Variants in SYT16 observed in about 807,000 individuals in gnomAD.
The protein encoded by SYT16 is synaptotagmin-16.
SYT16 carries 42 observed loss-of-function variants against 61.4 expected under a neutral mutation model. The ratio of observed to expected loss-of-function variants is 0.68; its 90% CI spans 0.53 to 0.89. The LOEUF is 0.89. Among genes scored for constraint, SYT16 ranks in the 40% least tolerant of loss-of-function variants. The pLI is 0.00. For synonymous variants in SYT16, 314 were observed against 302.3 expected, an observed-to-expected ratio of 1.04 and a Z score of -0.40; for missense variants, 804 against 807.3, an observed-to-expected ratio of 1.00 and a Z score of 0.05.
rs745673892 is a variant in SYT16 at position 62,078,171 on chromosome 14, A to AT, written c.994-2663_994-2662insT. 8.4e-3 allele frequency among the ~76,000 whole-genome samples: 1,177 copies of AT among 140,160 alleles called. 5 individuals are homozygous for AT. The highest frequency in any genetic ancestry group is 0.011 in the Non-Finnish European group (727 of 64,794). The allele number at this position is 140,160 out of a possible 152,430, so 92.0% of individuals were successfully genotyped here. On this transcript the variant is annotated intron_variant, in intron 5 of 7. Coordinates refer to ENST00000683842, the MANE Select transcript of SYT16 (RefSeq NM_001367656.1). ...TCTCTCTCTCTATATATATATATAT[A>AT]AACACACACACACACACACACACAC...
At chr14:61,958,257 C>G (rs775966789) in intron 1 of SYT16, among the ~76,000 whole-genome samples, 1 of 151,254 alleles carries the variant, frequency 6.6e-6, no homozygotes, top group Non-Finnish European at 1.5e-5. Flanking sequence ...ATTGTTCTTC[C>G]ATTCTCTAGT....
chr14:61,924,660 T>C (rs1354387975), intron 1 of SYT16, among the ~76,000 whole-genome samples: 1 of 152,246 alleles, frequency 6.6e-6, no homozygotes, highest in African/African-American at 2.4e-5. Context: ...CATGTTTTTC[T>C]TTCCCTGTAT....
intron 2 of SYT16, among the ~76,000 whole-genome samples, chr14:61,994,959 G>A (rs2052703546): frequency 1.3e-5 from 2 of 152,114 alleles, no homozygotes; most frequent in Admixed American, 6.6e-5. Context: ...AAGATATTGG[G>A]TAATTAAGTT....
At chr14:62,073,396 G>A (rs1342008544) in intron 4 of SYT16, among the ~76,000 whole-genome samples, 1 of 152,188 alleles carries the variant, frequency 6.6e-6, no homozygotes, top group Non-Finnish European at 1.5e-5. Context: ...AGGAATGGGT[G>A]TGCTAATTAG....
At chr14:62,084,558 G>C (rs930442609) in intron 7 of SYT16, among the ~76,000 whole-genome samples, 173 bp downstream of exon 7, 6 of 152,166 alleles carry the variant, frequency 3.9e-5, no homozygotes, top group Non-Finnish European at 1.5e-5. Context: ...TATTTAATTA[G>C]ACTTCTTTGC....
Position 61,996,153 on chromosome 14 carries a change from A to G in SYT16, c.134A>G (p.Gln45Arg). 6.2e-7 allele frequency: 1 copy of G among 1,613,452 alleles called. No homozygotes were observed. Among genetic ancestry groups the G allele is most frequent in the East Asian group, 2.2e-5 (1 of 44,848 alleles). ...LSASLVNISKQDSKLSDKLDQ... is the reference protein window; with the variant it reads ...LSASLVNISKRDSKLSDKLDQ... ...GCTTCGCTGGTTAACATAAGCAAAC[A>G]AGACTCTAAATTGAGTGACAAACTA... The change falls in exon 3 of 8, where the codon CAA (glutamine) becomes CGA (arginine). Residue 45 changes from glutamine (Q) to arginine (R), a missense_variant. Coordinates refer to ENST00000683842, the MANE Select transcript of SYT16 (RefSeq NM_001367656.1).
At chr14:62,001,161 T>C (rs1393698608) in intron 3 of SYT16, among the ~76,000 whole-genome samples, 1 of 152,164 alleles carries the variant, frequency 6.6e-6, no homozygotes, top group Non-Finnish European at 1.5e-5. Context: ...ATACCACTTA[T>C]GAATTATCTC....
intron 3 of SYT16, among the ~76,000 whole-genome samples, chr14:62,047,040 T>G (rs953111898): frequency 2.0e-5 from 3 of 152,240 alleles, no homozygotes; most frequent in African/African-American, 7.2e-5. Context: ...TAAATTACCT[T>G]GGGCAGTATG....
chr14:62,078,102 G>A (rs757429229), intron 5 of SYT16, among the ~76,000 whole-genome samples: 2 of 134,756 alleles, frequency 1.5e-5, no homozygotes, highest in Non-Finnish European at 3.1e-5. Context: ...CATCTTGTGC[G>A]CTTGCTCTCT....
intron 3 of SYT16, among the ~76,000 whole-genome samples, chr14:62,015,169 G>T (rs897217654): frequency 6.6e-6 from 1 of 151,918 alleles, no homozygotes; most frequent in Admixed American, 6.6e-5. Context: ...ATTTTATATT[G>T]TATCTAAATT....
At chr14:62,017,071 A>C (rs1265856013) in intron 3 of SYT16, among the ~76,000 whole-genome samples, 1 of 152,204 alleles carries the variant, frequency 6.6e-6, no homozygotes, top group African/African-American at 2.4e-5. Context: ...ATGCCCAAAG[A>C]ATCTTAGTGG....
At chr14:61,833,177 T>C (rs1477488797) in intron 1 of SYT16, among the ~76,000 whole-genome samples, 1 of 152,216 alleles carries the variant, frequency 6.6e-6, no homozygotes, top group African/African-American at 2.4e-5. Context: ...TCACTTTTTA[T>C]AGTAACAATT....
At chr14:61,845,327 G>A (rs113429928) in intron 1 of SYT16, among the ~76,000 whole-genome samples, 7,616 of 152,208 alleles carry the variant, frequency 0.05, 339 homozygotes, top group African/African-American at 0.12. Context: ...GATTACAGGC[G>A]TGAGCCACTG....
chr14:62,100,913 G>A lies in SYT16; in HGVS notation c.*206G>A. ...TTTAAAAACACACATACACAGTGAA[G>A]TGTCCGTATGGAAAATATTATACCA... is the stretch of plus-strand genomic sequence containing the variant. On this transcript the variant is annotated 3_prime_UTR_variant, in exon 8 of 8. Coordinates refer to ENST00000683842, the MANE Select transcript of SYT16 (RefSeq NM_001367656.1). 1 of 549,760 alleles carries A rather than the reference G, an allele frequency of 1.8e-6. No homozygotes were observed. The highest frequency in any genetic ancestry group is 3.2e-6 in the Non-Finnish European group (1 of 312,448). 34.1% of individuals were successfully genotyped at this position (549,760 alleles called of 1,614,324 possible). A position where few individuals can be genotyped will look rare whatever the true frequency, so the allele number is the denominator to read the frequency against.
At chr14:62,009,929 TA>T (rs555850351) in intron 3 of SYT16, among the ~76,000 whole-genome samples, 43 of 152,318 alleles carry the variant, frequency 2.8e-4, no homozygotes, top group Admixed American at 1.9e-3. Context: ...TCCTCAGTCC[TA>T]GGGGTGCTAG....
intron 1 of SYT16, among the ~76,000 whole-genome samples, chr14:61,858,156 G>GA (rs144842528): frequency 8.9e-5 from 10 of 111,868 alleles, no homozygotes; most frequent in South Asian, 3.1e-4. Context: ...AAGAAAAAAA[G>GA]AAAAAAAAAA....
intron 1 of SYT16, among the ~76,000 whole-genome samples, chr14:61,813,742 G>C (rs994803839): frequency 2.2e-4 from 34 of 151,920 alleles, no homozygotes; most frequent in African/African-American, 7.3e-4. Flanking sequence ...CTCCAGTCTG[G>C]GCCACAGAGG....
At chr14:61,975,584 C>T (rs1400205033) in intron 2 of SYT16, among the ~76,000 whole-genome samples, 1 of 152,048 alleles carries the variant, frequency 6.6e-6, no homozygotes, top group South Asian at 2.1e-4. Context: ...CTTATAAAAC[C>T]ATCAGATCTT....
intron 1 of SYT16, among the ~76,000 whole-genome samples, chr14:61,852,111 G>T (rs543287307): frequency 3.3e-5 from 5 of 152,220 alleles, no homozygotes; most frequent in African/African-American, 9.6e-5. Flanking sequence ...TTAAGGAAGG[G>T]TTCCCATTTC....
Sources: allele counts gnomAD v4.1 joint callset (sites outside exome capture counted in the v4.1 genomes callset), GRCh38; gene constraint gnomAD v4.1.1; transcripts MANE v1.5; gene names NCBI Gene and HGNC (gene_info 2026-07-23, HGNC 2026-07-21).